The following TRAPPC9 variants were observed in gnomAD, a reference collection of about 807,000 sequenced individuals.
TRAPPC9 encodes trafficking protein particle complex subunit 9.
In TRAPPC9, 83 loss-of-function variants were observed where a neutral mutation model predicts 124.0. That is an observed-to-expected ratio of 0.67 (90% CI 0.56 to 0.80). TRAPPC9 has a LOEUF of 0.80. TRAPPC9 is among the 30% of genes least tolerant of loss of function. The pLI is 0.00. For missense variants in TRAPPC9, 1,302 were observed against 1,508.3 expected (o/e 0.86, Z 2.27); for synonymous variants, 638 against 617.5 (o/e 1.03, Z -0.49).
chr8:140,332,522 G>A (rs2066920586), intron 9 of TRAPPC9, among the ~76,000 whole-genome samples: 1 of 151,970 alleles, frequency 6.6e-6, no homozygotes, highest in Non-Finnish European at 1.5e-5. Flanking sequence ...GATTTGCAAA[G>A]TACCCTGAAT....
chr8:140,408,711 G>A (rs1186637186), intron 5 of TRAPPC9, among the ~76,000 whole-genome samples: 1 of 151,692 alleles, frequency 6.6e-6, no homozygotes, highest in East Asian at 1.9e-4. Context: ...GGGTGGGATC[G>A]AGTCCTCCAG....
chr8:140,195,508 C>T (rs1392156029), intron 17 of TRAPPC9, among the ~76,000 whole-genome samples: 1 of 151,466 alleles, frequency 6.6e-6, no homozygotes, highest in South Asian at 2.1e-4. Context: ...ATCTGTGACA[C>T]TAAAACACAC....
chr8:139,940,419 A>G (rs1221573109), intron 19 of TRAPPC9, among the ~76,000 whole-genome samples: 1 of 152,262 alleles, frequency 6.6e-6, no homozygotes, highest in Non-Finnish European at 1.5e-5. Context: ...CATACTGTGA[A>G]AAACCTCATA....
At chr8:140,191,244 T>C (rs1198447514) in intron 17 of TRAPPC9, among the ~76,000 whole-genome samples, 4 of 152,200 alleles carry the variant, frequency 2.6e-5, no homozygotes, top group Admixed American at 2.6e-4. Flanking sequence ...AGATCCATAT[T>C]ATTCTTATTT....
intron 11 of TRAPPC9, among the ~76,000 whole-genome samples, chr8:140,297,147 C>G (rs1224726737): frequency 6.6e-6 from 1 of 150,682 alleles, no homozygotes; most frequent in Non-Finnish European, 1.5e-5. Flanking sequence ...ACATCTGGGG[C>G]TGCCATCAGG....
At chr8:139,969,418 G>A (rs755383231) in intron 19 of TRAPPC9, among the ~76,000 whole-genome samples, 21 of 152,224 alleles carry the variant, frequency 1.4e-4, no homozygotes, top group Non-Finnish European at 3.1e-4. Flanking sequence ...TTCATATTTG[G>A]AATGGCCAAG....
chr8:139,937,795 G>A (rs539730329), intron 19 of TRAPPC9, among the ~76,000 whole-genome samples: 11 of 152,196 alleles, frequency 7.2e-5, no homozygotes, highest in Non-Finnish European at 1.5e-4. Flanking sequence ...TTCTAATCGC[G>A]TTAAACATGG....
chr8:140,001,465 C>T (rs570090616), intron 18 of TRAPPC9, among the ~76,000 whole-genome samples: 1 of 151,710 alleles, frequency 6.6e-6, no homozygotes, highest in East Asian at 1.9e-4. Context: ...TAATAAAGGG[C>T]AGAAATGAAT....
chr8:139,866,932 T>C (rs1828582102), intron 21 of TRAPPC9, among the ~76,000 whole-genome samples: 1 of 152,134 alleles, frequency 6.6e-6, no homozygotes, highest in Admixed American at 6.5e-5. Flanking sequence ...CCTCTCAGGG[T>C]CAAGTGATTC....
At chr8:140,340,910 G>GT (rs1408970758) in intron 9 of TRAPPC9, among the ~76,000 whole-genome samples, 1 of 152,148 alleles carries the variant, frequency 6.6e-6, no homozygotes, top group Non-Finnish European at 1.5e-5. Flanking sequence ...ACAAATCCAC[G>GT]TAACCAACAA....
chr8:139,852,067 C>T (rs192478478), intron 21 of TRAPPC9, among the ~76,000 whole-genome samples: 6 of 152,240 alleles, frequency 3.9e-5, no homozygotes, highest in East Asian at 1.9e-4. Context: ...GTCTTTCCTG[C>T]GCTGTTCTCG....
At chr8:140,319,398 C>A (rs1048347076) in intron 9 of TRAPPC9, among the ~76,000 whole-genome samples, 3 of 151,914 alleles carry the variant, frequency 2.0e-5, no homozygotes, top group Non-Finnish European at 4.4e-5. Flanking sequence ...AGGATGATCT[C>A]GATCTCCTAA....
At chr8:139,854,589 G>A (rs901476037) in intron 21 of TRAPPC9, among the ~76,000 whole-genome samples, 6 of 152,216 alleles carry the variant, frequency 3.9e-5, no homozygotes, top group Admixed American at 1.3e-4. Context: ...GTGGCTCCAC[G>A]GAAGGAGCTT....
rs940119224 is a variant in TRAPPC9 at position 139,728,486 on chromosome 8, C to T, written c.*2575G>A. Among the ~76,000 whole-genome samples, 6 of 152,194 alleles carry T rather than the reference C, an allele frequency of 3.9e-5. No homozygotes were observed. The highest frequency in any genetic ancestry group is 1.9e-4 in the East Asian group (1 of 5,200). Reference sequence around the variant, plus strand: ...CCCTGGAAGAGGCTGGAGGATACTGCGCTGTCACTGAGACACCTGCCCCAG... The same window carrying T: ...CCCTGGAAGAGGCTGGAGGATACTGTGCTGTCACTGAGACACCTGCCCCAG... On this transcript the variant is annotated 3_prime_UTR_variant, in exon 23 of 23. Transcript: ENST00000438773.
At chr8:139,814,976 C>T (rs1050171487) in intron 21 of TRAPPC9, among the ~76,000 whole-genome samples, 19 of 152,186 alleles carry the variant, frequency 1.2e-4, no homozygotes, top group African/African-American at 4.3e-4. Context: ...CACAGGAAAC[C>T]CGCATGCTCC....
At chr8:140,112,841 CT>C (rs34920600) in intron 17 of TRAPPC9, among the ~76,000 whole-genome samples, 12,226 of 129,066 alleles carry the variant, frequency 0.095, 1,103 homozygotes, top group African/African-American at 0.29. Flanking sequence ...TTTTAATTTC[CT>C]TTTTTTTTTT....
intron 13 of TRAPPC9, among the ~76,000 whole-genome samples, chr8:140,286,134 G>C (rs560045689): frequency 9.2e-5 from 14 of 152,346 alleles, no homozygotes; most frequent in Admixed American, 7.2e-4. Flanking sequence ...TGAGGACTGA[G>C]GGAAGCCCAG....
intron 18 of TRAPPC9, among the ~76,000 whole-genome samples, chr8:140,018,974 G>A (rs1479028026): frequency 1.3e-5 from 2 of 152,176 alleles, no homozygotes; most frequent in African/African-American, 4.8e-5. Context: ...GACTGAGGAA[G>A]TTCTCTTCTA....
At chr8:140,308,888 A>C (rs543060731) in intron 10 of TRAPPC9, among the ~76,000 whole-genome samples, 1 of 152,158 alleles carries the variant, frequency 6.6e-6, no homozygotes, top group South Asian at 2.1e-4. Flanking sequence ...CTCAAAAAAA[A>C]AAAAGAAAGA....
Sources: allele counts gnomAD v4.1 joint callset (sites outside exome capture counted in the v4.1 genomes callset), GRCh38; gene constraint gnomAD v4.1.1; transcripts MANE v1.5; gene names NCBI Gene and HGNC (gene_info 2026-07-23, HGNC 2026-07-21).